Variants in GIT2 observed in about 807,000 individuals in gnomAD.
GIT2 encodes the protein GIT ArfGAP 2.
In GIT2, 32 loss-of-function variants were observed where a neutral mutation model predicts 100.3. That is an observed-to-expected ratio of 0.32 (90% CI 0.24 to 0.43). GIT2 has a LOEUF of 0.43. Among genes scored for constraint, GIT2 ranks in the 20% least tolerant of loss-of-function variants. GIT2 has a pLI of 1.00. For missense variants in GIT2, 737 were observed against 975.1 expected (o/e 0.76, Z 3.25); for synonymous variants, 353 against 364.1 (o/e 0.97, Z 0.35).
intron 12 of GIT2, among the ~76,000 whole-genome samples, chr12:109,955,380 C>T (rs1879144584): frequency 6.6e-6 from 1 of 152,148 alleles, no homozygotes; most frequent in African/African-American, 2.4e-5. Context: ...CCCACCTCGG[C>T]CTCCCAAAGT....
intron 7 of GIT2, among the ~76,000 whole-genome samples, chr12:109,967,883 GA>G (rs1426387327): frequency 2.0e-5 from 3 of 152,132 alleles, no homozygotes; most frequent in Admixed American, 2.0e-4. Flanking sequence ...TTGCTCAAAT[GA>G]ATCTATTAGT....
intron 9 of GIT2, among the ~76,000 whole-genome samples, chr12:109,964,921 G>C (rs535636136): frequency 6.6e-6 from 1 of 152,210 alleles, no homozygotes; most frequent in East Asian, 1.9e-4. Flanking sequence ...TGGGCCCTTA[G>C]GCCTTTCCTA....
chr12:109,953,323 TTTAAAGGAC>T, intron 12 of GIT2, 89 bp from the exon 13 acceptor site: 1 of 1,339,342 alleles, frequency 7.5e-7, no homozygotes, highest in Admixed American at 1.8e-5. Flanking sequence ...GGTTTAGCCA[TTTAAAGGAC>T]TTAAAGGGCT....
At chr12:109,940,283 C>A (rs550569473) in intron 16 of GIT2, 1 of 152,212 alleles carries the variant, frequency 6.6e-6, no homozygotes, top group Non-Finnish European at 1.5e-5. Flanking sequence ...CTGAGTATTT[C>A]ATGAACATTA....
Position 109,948,690 on chromosome 12 carries a change from C to G in GIT2, c.1393-1186G>C. 1 of 1,452,386 alleles carries G rather than the reference C, an allele frequency of 6.9e-7. No individual in the cohort carries two copies. The highest frequency in any genetic ancestry group is 2.5e-5 in the East Asian group (1 of 39,436). 90.0% of individuals were successfully genotyped at this position (1,452,386 alleles called of 1,614,324 possible). A position where few individuals can be genotyped will look rare whatever the true frequency, so the allele number is the denominator to read the frequency against. On this transcript the variant is annotated intron_variant, in intron 14 of 19. Coordinates refer to ENST00000355312, the MANE Select transcript of GIT2 (RefSeq NM_057169.5). This position sits in a 1 kb window ranked among gnomAD's most constrained non-coding sequence, Gnocchi z 4.3. ...CCACCAGTGCCAAGGTTTAAGTCCA[C>G]AAGCAACTGTTTGCACCAGAAGATC...
At chr12:109,953,524 G>A (rs995592381) in intron 12 of GIT2, 3 of 272,500 alleles carry the variant, frequency 1.1e-5, no homozygotes, top group African/African-American at 6.6e-5. Context: ...CTACTCAGGA[G>A]GCTAAGACAG....
chr12:109,948,435 T>G lies in GIT2; in HGVS notation c.1393-931A>C. 2.0e-6 allele frequency: 2 copies of G among 1,018,578 alleles called. No homozygotes were observed. The allele number at this position is 1,018,578 out of a possible 1,614,324, so 63.1% of individuals were successfully genotyped here. On this transcript the variant is annotated intron_variant, in intron 14 of 19. Coordinates refer to ENST00000355312, the MANE Select transcript of GIT2 (RefSeq NM_057169.5). The surrounding 1 kb of genome is among the most constrained non-coding windows in gnomAD (Gnocchi z 4.3). ...AGGCCCTGAATGCTCCTTCCATTCC[T>G]CACATGCAGGCTGCTCCATGGTGCT...
intron 2 of GIT2, 75 bp from the exon 3 acceptor site, chr12:109,989,877 A>C (rs551003257): frequency 1.3e-6 from 1 of 780,400 alleles, no homozygotes; most frequent in Admixed American, 2.0e-5. Context: ...GACTGAACAG[A>C]GTAAACAAAG....
Position 109,947,304 on chromosome 12 carries a change from C to A in GIT2, c.1593G>T (p.Ala531=). Residue 531 remains alanine, a synonymous_variant, in exon 15 of 20, where the codon GCG becomes GCT. Coordinates refer to ENST00000355312, the MANE Select transcript of GIT2 (RefSeq NM_057169.5). The surrounding 1 kb of genome is among the most constrained non-coding windows in gnomAD (Gnocchi z 4.3). ...TCATCCTGCTCTCTTCGGGGCGGCTCGCTTCTCCCATTGGGAGATATGGTT... is the reference window on the plus strand; with the variant it reads ...TCATCCTGCTCTCTTCGGGGCGGCTAGCTTCTCCCATTGGGAGATATGGTT... ...GQKPYLPMGE[A]SRPEESRMRL... 6.2e-7 allele frequency: 1 copy of A among 1,614,098 alleles called. No individual in the cohort carries two copies.
chr12:109,933,223 C>G lies in GIT2; in HGVS notation c.2068-33G>C. ...GAAAAAGACAGCCGTTTACCCTGAA[C>G]TGCAGGGCAGACATCCAAAAGCAGG... On this transcript the variant is annotated intron_variant, in intron 19 of 19. Coordinates refer to ENST00000355312, the MANE Select transcript of GIT2 (RefSeq NM_057169.5). This position sits in a 1 kb window ranked among gnomAD's most constrained non-coding sequence, Gnocchi z 4.5. The G allele has an allele frequency of 8.1e-7, 1 of 1,234,914 alleles. No homozygotes were observed. Among genetic ancestry groups the G allele is most frequent in the Non-Finnish European group, 1.2e-6 (1 of 858,812 alleles). The allele number at this position is 1,234,914 out of a possible 1,614,324, so 76.5% of individuals were successfully genotyped here.
intron 6 of GIT2, chr12:109,982,304 G>A (rs1414062658): frequency 1.3e-5 from 2 of 152,080 alleles, no homozygotes; most frequent in Non-Finnish European, 2.9e-5. Flanking sequence ...AAATGATTTG[G>A]ACCACAATGA....
At position 109,996,157 on chromosome 12, in the gene GIT2, G is replaced by A; in HGVS notation, c.52+16C>T. On this transcript the variant is annotated intron_variant, in intron 1 of 19. Transcript: ENST00000355312. ...CAGGAAAGCAGAGGGGAGCGGGCCCGGCCGGTGCGACTCACCCGGCCCGCT... is the reference window on the plus strand; with the variant it reads ...CAGGAAAGCAGAGGGGAGCGGGCCCAGCCGGTGCGACTCACCCGGCCCGCT... 4 of 1,497,132 alleles carry A rather than the reference G, an allele frequency of 2.7e-6. No individual in the cohort carries two copies. The highest frequency in any genetic ancestry group is 2.7e-5 in the East Asian group (1 of 36,826). 92.7% of individuals were successfully genotyped at this position (1,497,132 alleles called of 1,614,324 possible). A position where few individuals can be genotyped will look rare whatever the true frequency, so the allele number is the denominator to read the frequency against.
At chr12:109,991,309 CAAA>C (rs748628189) in intron 2 of GIT2, among the ~76,000 whole-genome samples, 1 of 76,552 alleles carries the variant, frequency 1.3e-5, no homozygotes, top group Non-Finnish European at 2.8e-5. Flanking sequence ...GAGTCCGTCT[CAAA>C]AAAAAAAAAA....
At chr12:109,967,385 ATATACT>A (rs1565981169) in intron 8 of GIT2, 67 bp downstream of exon 8, 2 of 1,520,152 alleles carry the variant, frequency 1.3e-6, no homozygotes, top group Non-Finnish European at 1.8e-6. Flanking sequence ...ACAAAATATA[ATATACT>A]TAAACATAAT....
intron 2 of GIT2, 104 bp from the exon 3 acceptor site, chr12:109,989,906 T>C (rs1355001582): frequency 1.4e-6 from 1 of 706,158 alleles, no homozygotes; most frequent in Non-Finnish European, 2.5e-6. Context: ...TAAACACTCA[T>C]TTGTTAGGAA....
At position 109,961,267 on chromosome 12, in the gene GIT2, G is replaced by A; in HGVS notation, c.987+11C>T. 1 of 1,498,402 alleles carries A rather than the reference G, an allele frequency of 6.7e-7. No homozygotes were observed. The highest frequency in any genetic ancestry group is 9.3e-7 in the Non-Finnish European group (1 of 1,074,572). The allele number at this position is 1,498,402 out of a possible 1,614,324, so 92.8% of individuals were successfully genotyped here. Reference sequence around the variant, plus strand: ...CCCAACTACTATTCCTTTCCAAACTGAGCCACTTGCCTGATTTCGTGTTGA... The same window carrying A: ...CCCAACTACTATTCCTTTCCAAACTAAGCCACTTGCCTGATTTCGTGTTGA... On this transcript the variant is annotated intron_variant, in intron 11 of 19. Transcript: ENST00000355312.
At chr12:109,999,679 C>G (rs1216718802), upstream of GIT2, 2 of 1,529,532 alleles carry the variant, frequency 1.3e-6, no homozygotes, top group Non-Finnish European at 1.8e-6. The surrounding 1 kb of genome is among the most constrained non-coding windows in gnomAD (Gnocchi z 4.3). Flanking sequence ...CAGGTTACGG[C>G]CTCCTCGCCA....
chr12:109,940,531 G>A (rs1477112015), intron 16 of GIT2: 1 of 152,112 alleles, frequency 6.6e-6, no homozygotes, highest in East Asian at 1.9e-4. Context: ...TTAAACATAT[G>A]GAAACCCTGT....
intron 7 of GIT2, among the ~76,000 whole-genome samples, chr12:109,978,581 T>G (rs541165217): frequency 6.6e-6 from 1 of 152,198 alleles, no homozygotes; most frequent in Non-Finnish European, 1.5e-5. Flanking sequence ...TAATTTCTAG[T>G]GATCTGTTTT....
Sources: allele counts gnomAD v4.1 joint callset (sites outside exome capture counted in the v4.1 genomes callset), GRCh38; gene constraint gnomAD v4.1.1; non-coding constraint Gnocchi (gnomAD v3.1); transcripts MANE v1.5; gene names NCBI Gene and HGNC (gene_info 2026-07-23, HGNC 2026-07-21).